Variants in NCAPG observed in about 807,000 individuals in gnomAD.
NCAPG encodes the protein non-SMC condensin I complex subunit G.
Under a neutral mutation model 113.1 loss-of-function variants are expected in NCAPG, and 69 were observed. That is an observed-to-expected ratio of 0.61 (90% CI 0.50 to 0.75). The LOEUF is 0.75. Ranked by LOEUF, NCAPG falls within the 30% of genes least tolerant of loss-of-function variation. The probability of loss-of-function intolerance (pLI) is 0.00; values close to 1 mark genes in which losing one functional copy is unlikely to be tolerated. For synonymous variants in NCAPG, 370 were observed against 415.8 expected, an observed-to-expected ratio of 0.89 and a Z score of 1.34; for missense variants, 1,058 against 1,177.0, an observed-to-expected ratio of 0.90 and a Z score of 1.48.
chr4:17,811,260 C>A lies in NCAPG; in HGVS notation c.111+72C>A. 1.1e-6 allele frequency: 1 copy of A among 919,596 alleles called. No individual in the cohort carries two copies. Among genetic ancestry groups the A allele is most frequent in the Non-Finnish European group, 1.6e-6 (1 of 644,268 alleles). The allele number at this position is 919,596 out of a possible 1,614,324, so 57.0% of individuals were successfully genotyped here. ...ACCCTCCCTCAGGGGCCCTCCGTGG[C>A]CCTCGGGCTCGGCGCACCGTGACTC... On this transcript the variant is annotated intron_variant, in intron 1 of 20. Transcript: ENST00000251496. The surrounding 1 kb of genome is among the most constrained non-coding windows in gnomAD (Gnocchi z 5.3).
intron 19 of NCAPG, chr4:17,841,418 C>G (rs930201595): frequency 6.6e-6 from 1 of 151,816 alleles, no homozygotes; most frequent in African/African-American, 2.4e-5. Context: ...GTTTTGTAAC[C>G]AGTAAATTAT....
intron 3 of NCAPG, among the ~76,000 whole-genome samples, chr4:17,814,490 T>G (rs1406160224): frequency 6.6e-6 from 1 of 152,238 alleles, no homozygotes; most frequent in East Asian, 1.9e-4. Flanking sequence ...CTATTACAGA[T>G]GGGTTCTCAC....
At chr4:17,839,955 T>C (rs550645668) in intron 17 of NCAPG, 116 bp from the exon 18 acceptor site, 1 of 1,442,536 alleles carries the variant, frequency 6.9e-7, no homozygotes, top group East Asian at 2.5e-5. Flanking sequence ...TGAAGTATTT[T>C]CTTCATAAAT....
At chr4:17,824,216 G>A (rs1721565938) in intron 9 of NCAPG, among the ~76,000 whole-genome samples, 1 of 152,010 alleles carries the variant, frequency 6.6e-6, no homozygotes, top group Non-Finnish European at 1.5e-5. Flanking sequence ...TTTCAATGAG[G>A]TATTGTTCAT....
Position 17,842,250 on chromosome 4 carries a change from A to G in NCAPG, c.2855-60A>G, listed in dbSNP as rs1039388205. On this transcript the variant is annotated intron_variant, in intron 19 of 20. Transcript: ENST00000251496. ...AAAGGATTTAGTTAGCCTAGAAACT[A>G]GATTAAAAACAAAAAGCAACTGATA... 1.1e-5 allele frequency: 16 copies of G among 1,430,456 alleles called. No homozygotes were observed. The Admixed American group carries it at 1.5e-4, about 14-fold the overall frequency. 88.6% of individuals were successfully genotyped at this position (1,430,456 alleles called of 1,614,324 possible). A position where few individuals can be genotyped will look rare whatever the true frequency, so the allele number is the denominator to read the frequency against.
intron 2 of NCAPG, among the ~76,000 whole-genome samples, chr4:17,812,669 T>C (rs1359332343): frequency 2.0e-5 from 3 of 152,206 alleles, no homozygotes; most frequent in Non-Finnish European, 4.4e-5. Context: ...ATGAGTTCTG[T>C]ATTTTAGAAG....
intron 15 of NCAPG, 118 bp downstream of exon 15, chr4:17,837,458 T>A: frequency 8.1e-7 from 1 of 1,236,926 alleles, no homozygotes; most frequent in Non-Finnish European, 1.1e-6. Flanking sequence ...AGTAGATAAA[T>A]GATGAAATGA....
At chr4:17,839,647 T>G (rs767672257) in intron 16 of NCAPG, 29 bp from the exon 17 acceptor site, 1 of 1,422,964 alleles carries the variant, frequency 7.0e-7, no homozygotes, top group East Asian at 2.6e-5. Flanking sequence ...CATCTTCAAT[T>G]TACAGAGAAT....
In NCAPG at chr4:17,813,094, G is replaced by A. The variant is rs1484635006; in HGVS notation, c.493G>A (p.Ala165Thr). 2.5e-6 allele frequency: 4 copies of A among 1,613,894 alleles called. No individual in the cohort carries two copies. The African/African-American group carries it at 4.0e-5, about 16-fold the overall frequency. The change falls in exon 3 of 21, where the codon GCG becomes ACG. Residue 165 changes from alanine to threonine, a missense_variant. Coordinates refer to ENST00000251496, the MANE Select transcript of NCAPG (RefSeq NM_022346.5). ...IPNVRIQAVLALSRLQDPKDD... is the reference protein window; with the variant it reads ...IPNVRIQAVLTLSRLQDPKDD... ...AAATGTGAGAATACAGGCAGTTCTG[G>A]CGCTTTCACGACTTCAGGATCCCAA...
chr4:17,829,430 T>G (rs557080245), intron 12 of NCAPG, among the ~76,000 whole-genome samples: 2 of 152,190 alleles, frequency 1.3e-5, no homozygotes, highest in African/African-American at 2.4e-5. Context: ...GAATTTAGCT[T>G]TATTTTTGGA....
At position 17,844,855 on chromosome 4, in the gene NCAPG, T is replaced by C. The variant is rs1215412049; in HGVS notation, c.*1430T>C. ...TTCTCTGGCATGGGAAAAATAAATT[T>C]AAGCACCAAACCTTTAGTATTCTGA... On this transcript the variant is annotated 3_prime_UTR_variant, in exon 21 of 21. Transcript: ENST00000251496. The C allele has an allele frequency of 6.6e-6, 1 of 152,154 alleles. No individual in the cohort carries two copies. Among genetic ancestry groups the C allele is most frequent in the Non-Finnish European group, 1.5e-5 (1 of 67,910 alleles). 9.4% of individuals were successfully genotyped at this position (152,154 alleles called of 1,614,324 possible). A position where few individuals can be genotyped will look rare whatever the true frequency, so the allele number is the denominator to read the frequency against.
At position 17,815,297 on chromosome 4, in the gene NCAPG, G is replaced by C; in HGVS notation, c.714G>C (p.Met238Ile). ...AYQVLAEKVH[M>I]RAMSIAQRVM... is the part of the protein sequence containing the mutation. Reference sequence around the variant, plus strand: ...AGGTTTTAGCTGAAAAGGTTCATATGAGAGCTATGTCCATTGCTCAGAGAG... The same window carrying C: ...AGGTTTTAGCTGAAAAGGTTCATATCAGAGCTATGTCCATTGCTCAGAGAG... The change falls in exon 5 of 21, where the codon ATG becomes ATC. Residue 238 changes from methionine (M) to isoleucine (I), a missense_variant. Met to Ile is a conservative substitution (Grantham distance 10). Transcript: ENST00000251496. 6.3e-7 allele frequency: 1 copy of C among 1,599,360 alleles called. No homozygotes were observed. Among genetic ancestry groups the C allele is most frequent in the South Asian group, 1.1e-5 (1 of 87,528 alleles).
intron 16 of NCAPG, 61 bp downstream of exon 16, chr4:17,837,862 A>G: frequency 1.3e-6 from 2 of 1,574,512 alleles, no homozygotes; most frequent in Non-Finnish European, 1.7e-6. Flanking sequence ...TCTCTCAAAG[A>G]TCCCTTGAAA....
chr4:17,828,021 A>G lies in NCAPG; in HGVS notation c.1654-257A>G, dbSNP rs146044584. On this transcript the variant is annotated intron_variant, in intron 11 of 20. Coordinates refer to ENST00000251496, the MANE Select transcript of NCAPG (RefSeq NM_022346.5). ...TTGCCATGTTGACCAGGCTGGTCCT[A>G]AATTCCTGACCTTAAGTGATTTACC... 1.6e-4 allele frequency among the ~76,000 whole-genome samples: 24 copies of G among 151,980 alleles called. 1 individual carries two copies. Among genetic ancestry groups the G allele is most frequent in the Non-Finnish European group, 3.4e-4 (23 of 67,920 alleles).
chr4:17,836,455 C>CCAAA (rs1722098062), intron 14 of NCAPG, among the ~76,000 whole-genome samples: 5 of 152,214 alleles, frequency 3.3e-5, no homozygotes, highest in Admixed American at 3.3e-4. Flanking sequence ...GAGATACACT[C>CCAAA]ATTTTTTTCT....
In NCAPG at chr4:17,815,339, A is replaced by G. The variant is rs1371896078; in HGVS notation, c.756A>G (p.Gln252=). 28 of 1,586,230 alleles carry G rather than the reference A, an allele frequency of 1.8e-5. No individual in the cohort carries two copies. Among genetic ancestry groups the G allele is most frequent in the Non-Finnish European group, 2.1e-5 (25 of 1,173,472 alleles). The change falls in exon 5 of 21, where the codon CAA becomes CAG. Residue 252 remains glutamine, a synonymous_variant. Coordinates refer to ENST00000251496, the MANE Select transcript of NCAPG (RefSeq NM_022346.5). ...SIAQRVMLLQ[Q]GLNDRSDAVK... The stretch of plus-strand genomic sequence containing the variant: ...CTCAGAGAGTAATGCTCCTTCAACA[A>G]GGTCTTAATGACAGATCAGGTAAGA...
At chr4:17,829,332 G>A (rs1396912339) in intron 12 of NCAPG, among the ~76,000 whole-genome samples, 2 of 152,192 alleles carry the variant, frequency 1.3e-5, no homozygotes, top group Non-Finnish European at 2.9e-5. Flanking sequence ...AATTCCTTGG[G>A]TTGTCATGAG....
At chr4:17,838,172 C>T (rs546358395) in intron 16 of NCAPG, among the ~76,000 whole-genome samples, 3 of 152,280 alleles carry the variant, frequency 2.0e-5, no homozygotes, top group African/African-American at 7.2e-5. Flanking sequence ...CTAGAACTCA[C>T]CTCAAGCTTT....
rs1276493737 is a variant in NCAPG, at chr4:17,834,313, T to C, written c.1899T>C (p.Asp633=). 6.3e-7 allele frequency: 1 copy of C among 1,588,154 alleles called. No individual in the cohort carries two copies. Among genetic ancestry groups the C allele is most frequent in the East Asian group, 2.3e-5 (1 of 43,868 alleles). The change falls in exon 14 of 21, where the codon GAT becomes GAC. Residue 633 remains aspartate, a synonymous_variant. Coordinates refer to ENST00000251496, the MANE Select transcript of NCAPG (RefSeq NM_022346.5). The stretch of plus-strand genomic sequence containing the variant: ...TCTTGATTTAGGTTTTGCAAATTGA[T>C]GATGTCACAATAAAAATAAGTGCTT... ...FVLLLQVLQI[D]DVTIKISALK...
Sources: gnomAD v4.1 joint callset for allele counts (sites outside exome capture counted in the v4.1 genomes callset) on GRCh38, gnomAD v4.1.1 for gene constraint, Gnocchi (gnomAD v3.1) non-coding constraint, MANE v1.5 for transcripts, NCBI Gene and HGNC (gene_info 2026-07-23, HGNC 2026-07-21) for gene names.